The following IFT140 variants were observed in gnomAD, a reference collection of about 807,000 sequenced individuals.
IFT140 encodes the protein intraflagellar transport 140.
Under a neutral mutation model 164.6 loss-of-function variants are expected in IFT140, and 133 were observed. That is an observed-to-expected ratio of 0.81 (90% confidence interval 0.70 to 0.93). The LOEUF (loss-of-function observed/expected upper bound fraction) is 0.93, where lower values mean the gene tolerates loss of function less well. Among genes scored for constraint, IFT140 ranks in the 40% least tolerant of loss-of-function variants. The pLI, the probability that IFT140 is intolerant of heterozygous loss-of-function variation, is 0.00. For missense variants in IFT140, 2,045 were observed against 1,972.3 expected (o/e 1.04, Z -0.70); for synonymous variants, 860 against 817.3 (o/e 1.05, Z -0.89).
chr16:1,568,342 G>C lies in IFT140; in HGVS notation c.1653-8C>G, dbSNP rs758048352. On this transcript the variant is annotated splice_polypyrimidine_tract_variant and splice_region_variant and intron_variant, in intron 14 of 30. Coordinates refer to ENST00000426508, the MANE Select transcript of IFT140 (RefSeq NM_014714.4). ...CAGTGTGCTTTGGCCTCTCTGCAGG[G>C]AGGAAGAGGGACCTCAGTGCCCGCC... 3.7e-6 allele frequency: 6 copies of C among 1,608,696 alleles called. No homozygotes were observed. The highest frequency in any genetic ancestry group is 3.3e-5 in the Admixed American group (2 of 60,022).
intron 19 of IFT140, among the ~76,000 whole-genome samples, chr16:1,550,721 T>C (rs2032564902): frequency 6.6e-6 from 1 of 152,240 alleles, no homozygotes. Context: ...CCCTGCAAGC[T>C]TGACCCTCCA....
At chr16:1,534,211 C>T in intron 19 of IFT140, 1 of 1,589,662 alleles carries the variant, frequency 6.3e-7, no homozygotes, top group Non-Finnish European at 8.5e-7. Context: ...TCGGCTCTCC[C>T]TGGACGTGCG....
At position 1,587,928 on chromosome 16, in the gene IFT140, C is replaced by G. The variant is rs966093746; in HGVS notation, c.902+5G>C. The G allele has an allele frequency of 1.2e-6, 2 of 1,607,062 alleles. No homozygotes were observed. Among genetic ancestry groups the G allele is most frequent in the Non-Finnish European group, 1.7e-6 (2 of 1,176,322 alleles). On this transcript the variant is annotated splice_donor_5th_base_variant and intron_variant, in intron 8 of 30. Coordinates refer to ENST00000426508, the MANE Select transcript of IFT140 (RefSeq NM_014714.4). Reference sequence around the variant, plus strand: ...TCAAGGGGCACTGGAAAGGCAGACTCTCACCTGAGGGCAGCCTCCCCGACG... The same window carrying G: ...TCAAGGGGCACTGGAAAGGCAGACTGTCACCTGAGGGCAGCCTCCCCGACG...
intron 19 of IFT140, among the ~76,000 whole-genome samples, chr16:1,539,162 C>T (rs1343219696): frequency 6.6e-6 from 1 of 151,806 alleles, no homozygotes; most frequent in Non-Finnish European, 1.5e-5. Flanking sequence ...CACCAAGCTG[C>T]ACAGTGCCAC....
chr16:1,605,987 A>T (rs1213023328), intron 3 of IFT140, among the ~76,000 whole-genome samples: 3 of 152,198 alleles, frequency 2.0e-5, no homozygotes, highest in African/African-American at 7.2e-5. Flanking sequence ...GGAAGGCCGG[A>T]TGACACCAGA....
chr16:1,605,072 T>C (rs117745556), intron 3 of IFT140, among the ~76,000 whole-genome samples: 4,485 of 152,212 alleles, frequency 0.029, 95 homozygotes, highest in Non-Finnish European at 0.044. Flanking sequence ...GATGTATGTC[T>C]GCAAGCCACT....
intron 3 of IFT140, among the ~76,000 whole-genome samples, chr16:1,604,740 T>G (rs991082718): frequency 1.3e-5 from 2 of 151,590 alleles, no homozygotes; most frequent in Admixed American, 1.3e-4. Flanking sequence ...GAAGGGCGGT[T>G]GGAAGGGCAA....
chr16:1,600,488 T>C (rs1263592121), intron 4 of IFT140, among the ~76,000 whole-genome samples: 5 of 149,100 alleles, frequency 3.4e-5, no homozygotes, highest in Non-Finnish European at 5.9e-5. Flanking sequence ...TGTACACAGG[T>C]GCAAAATGGC....
At position 1,524,787 on chromosome 16, in the gene IFT140, C is replaced by G. The variant is rs1006412072; in HGVS notation, c.2994G>C (p.Gln998His). ...VRIHCFQGNV[Q>H]KAAQIANETG... The stretch of plus-strand genomic sequence containing the variant: ...GGCTCCCCTGCGGGGACCTTACCTT[C>G]TGGACATTGCCCTGGAAGCAGTGGA... Residue 998 changes from glutamine (Q) to histidine (H), a missense_variant, in exon 23 of 31, where the codon CAG (glutamine) becomes CAC (histidine). Coordinates refer to ENST00000426508, the MANE Select transcript of IFT140 (RefSeq NM_014714.4). The G allele has an allele frequency of 6.2e-7, 1 of 1,606,676 alleles. No homozygotes were observed.
At chr16:1,519,326 CCA>C (rs2040451661) in intron 29 of IFT140, among the ~76,000 whole-genome samples, 1 of 152,182 alleles carries the variant, frequency 6.6e-6, no homozygotes, top group Non-Finnish European at 1.5e-5. Flanking sequence ...ACCGTGGTGG[CCA>C]CACAGCAGCT....
intron 30 of IFT140, among the ~76,000 whole-genome samples, chr16:1,515,577 T>C (rs1199157941): frequency 6.6e-6 from 1 of 152,048 alleles, no homozygotes; most frequent in African/African-American, 2.4e-5. Context: ...TTGCTATTTT[T>C]TTCAGAGATG....
chr16:1,600,601 C>A (rs1479489446), intron 4 of IFT140, among the ~76,000 whole-genome samples: 2 of 152,026 alleles, frequency 1.3e-5, no homozygotes, highest in African/African-American at 4.8e-5. Context: ...TTACAACATT[C>A]ATATAAAGAA....
intron 18 of IFT140, among the ~76,000 whole-genome samples, chr16:1,559,100 T>G (rs919521951): frequency 3.3e-5 from 5 of 151,916 alleles, no homozygotes; most frequent in African/African-American, 7.3e-5. Context: ...GGCGATGGAG[T>G]GGAGGGCCTG....
At chr16:1,524,129 G>A (rs1395955965) in intron 24 of IFT140, 173 bp from the exon 25 acceptor site, 6 of 814,858 alleles carry the variant, frequency 7.4e-6, no homozygotes, top group Admixed American at 3.0e-5. Context: ...TGTCTACAAG[G>A]ATTTTCCGAT....
intron 26 of IFT140, among the ~76,000 whole-genome samples, chr16:1,521,602 G>C (rs2040528831): frequency 6.6e-6 from 1 of 151,506 alleles, no homozygotes; most frequent in African/African-American, 2.4e-5. Context: ...CTGTTGGTCA[G>C]GCTGGGCTCA....
chr16:1,575,796 A>C (rs2034245627), intron 13 of IFT140, among the ~76,000 whole-genome samples: 1 of 145,954 alleles, frequency 6.9e-6, no homozygotes. Flanking sequence ...CAGGCCATTC[A>C]CTCTTTCCCA....
At chr16:1,528,446 C>A (rs1276983440) in intron 19 of IFT140, among the ~76,000 whole-genome samples, 1 of 147,932 alleles carries the variant, frequency 6.8e-6, no homozygotes, top group Non-Finnish European at 1.5e-5. Context: ...CACACACATT[C>A]ACATGCATGC....
intron 19 of IFT140, among the ~76,000 whole-genome samples, chr16:1,537,308 C>T (rs541852560): frequency 1.3e-5 from 2 of 152,340 alleles, no homozygotes; most frequent in African/African-American, 2.4e-5. Flanking sequence ...CTGAGGCCCG[C>T]GTGGATGTCT....
At chr16:1,580,718 A>G in intron 13 of IFT140, 41 bp downstream of exon 13, 2 of 1,369,752 alleles carry the variant, frequency 1.5e-6, no homozygotes, top group Admixed American at 1.7e-5. Flanking sequence ...GCAGGATTTC[A>G]AACTCTGCTC....
Sources: gnomAD v4.1 joint callset for allele counts (sites outside exome capture counted in the v4.1 genomes callset) on GRCh38, gnomAD v4.1.1 for gene constraint, MANE v1.5 for transcripts, NCBI Gene and HGNC (gene_info 2026-07-23, HGNC 2026-07-21) for gene names.